The following CCDC134 variants were observed in gnomAD, a reference collection of about 807,000 sequenced individuals.
CCDC134 encodes coiled-coil domain-containing protein 134.
Under a neutral mutation model 25.6 loss-of-function variants are expected in CCDC134, and 27 were observed. The ratio of observed to expected loss-of-function variants is 1.05; its 90% CI spans 0.78 to 1.45. The LOEUF (loss-of-function observed/expected upper bound fraction) is 1.45, where lower values mean the gene tolerates loss of function less well. Ranked by LOEUF, CCDC134 falls within the 40% of genes most tolerant of loss-of-function variation. CCDC134 has a pLI of 0.00. For missense variants in CCDC134, 261 were observed against 286.7 expected (o/e 0.91, Z 0.65); for synonymous variants, 110 against 115.0 (o/e 0.96, Z 0.28).
At chr22:41,806,188 G>A (rs1208685806) in intron 1 of CCDC134, among the ~76,000 whole-genome samples, 10 of 147,642 alleles carry the variant, frequency 6.8e-5, no homozygotes, top group South Asian at 2.2e-4. Context: ...AACCATGGTT[G>A]AAAATCTTTT....
chr22:41,806,852 G>C (rs181449755), intron 1 of CCDC134, among the ~76,000 whole-genome samples: 1 of 152,116 alleles, frequency 6.6e-6, no homozygotes, highest in East Asian at 1.9e-4. Context: ...TTCAAGACCA[G>C]CCTGGCCAAC....
chr22:41,816,285 C>T (rs575706718), intron 6 of CCDC134, among the ~76,000 whole-genome samples: 16 of 152,324 alleles, frequency 1.1e-4, no homozygotes, highest in African/African-American at 2.6e-4. Context: ...CCTCAGTTGC[C>T]TACATGGTAT....
chr22:41,813,693 C>G, intron 5 of CCDC134, 58 bp from the exon 6 acceptor site: 2 of 1,541,286 alleles, frequency 1.3e-6, no homozygotes, highest in Non-Finnish European at 1.8e-6. Context: ...AGGAATGACT[C>G]TCTGGTGAGC....
At chr22:41,804,497 A>G (rs1431119595) in intron 1 of CCDC134, among the ~76,000 whole-genome samples, 1 of 152,038 alleles carries the variant, frequency 6.6e-6, no homozygotes, top group East Asian at 1.9e-4. Context: ...CTAATAACAG[A>G]TGTACTATAG....
At chr22:41,814,000 T>A (rs1215501297) in intron 6 of CCDC134, among the ~76,000 whole-genome samples, 178 bp downstream of exon 6, 1 of 152,204 alleles carries the variant, frequency 6.6e-6, no homozygotes. Context: ...TGCTCCCCTC[T>A]TAGCCTCAGG....
rs201977668 is a variant in CCDC134 at position 41,813,258 on chromosome 22, C to T, written c.311-6C>T. On this transcript the variant is annotated splice_region_variant and splice_polypyrimidine_tract_variant and intron_variant, in intron 4 of 6. Coordinates refer to ENST00000255784, the MANE Select transcript of CCDC134 (RefSeq NM_024821.5). Reference sequence around the variant, plus strand: ...CCCTGGCCACTCATCAGGGTCCTCTCGCCAGCTTTCTCCCACGTGGTGGAG... The same window carrying T: ...CCCTGGCCACTCATCAGGGTCCTCTTGCCAGCTTTCTCCCACGTGGTGGAG... 198 of 1,614,068 alleles carry T rather than the reference C, an allele frequency of 1.2e-4. No homozygotes were observed. Among genetic ancestry groups the T allele is most frequent in the Non-Finnish European group, 1.5e-4 (175 of 1,179,944 alleles).
At position 41,813,507 on chromosome 22, in the gene CCDC134, C is replaced by A. The variant is rs542697204; in HGVS notation, c.492+62C>A. ...GTCGGGTAGTGGACTAGGATCCTCA[C>A]ATCTGCCTTCAGTTGGGCCTGAACG... On this transcript the variant is annotated intron_variant, in intron 5 of 6. Transcript: ENST00000255784. 3.6e-5 allele frequency: 56 copies of A among 1,566,946 alleles called. 1 individual carries two copies. In the South Asian group the frequency reaches 6.2e-4, roughly 17 times the overall value.
Position 41,810,287 on chromosome 22 carries a change from G to T in CCDC134, c.306G>T (p.Lys102Asn). Residue 102 changes from lysine to asparagine, a missense_variant, in exon 4 of 7, where the codon AAG becomes AAT. Physicochemically the swap from Lys to Asn is moderately conservative, Grantham distance 94. Transcript: ENST00000255784. ...DGPFPQDEKLKDAFSHVVENT... is the reference protein window; with the variant it reads ...DGPFPQDEKLNDAFSHVVENT... ...CCTTCCCCCAGGACGAGAAGCTGAAGGATGGTATGGTCTGCCCTGCCCCGC... is the reference window on the plus strand; with the variant it reads ...CCTTCCCCCAGGACGAGAAGCTGAATGATGGTATGGTCTGCCCTGCCCCGC... The T allele has an allele frequency of 6.2e-7, 1 of 1,613,736 alleles. No homozygotes were observed. The highest frequency in any genetic ancestry group is 1.1e-5 in the South Asian group (1 of 91,022).
At chr22:41,816,617 G>A (rs1051038659) in intron 6 of CCDC134, among the ~76,000 whole-genome samples, 2 of 152,162 alleles carry the variant, frequency 1.3e-5, no homozygotes, top group Admixed American at 6.6e-5. Flanking sequence ...GCACTTTCTG[G>A]GATCTAAGGT....
intron 1 of CCDC134, among the ~76,000 whole-genome samples, chr22:41,806,822 G>A (rs942631669): frequency 8.6e-5 from 13 of 151,916 alleles, no homozygotes; most frequent in African/African-American, 2.7e-4. Flanking sequence ...CTGAGGCGGT[G>A]GATCACCTAA....
chr22:41,818,659 G>A (rs1313160076), intron 6 of CCDC134, among the ~76,000 whole-genome samples: 2 of 152,200 alleles, frequency 1.3e-5, no homozygotes, highest in East Asian at 3.8e-4. Context: ...GGCAGAGTCG[G>A]GGATGCTGTT....
At chr22:41,813,515 T>G in intron 5 of CCDC134, 70 bp downstream of exon 5, 1 of 1,551,304 alleles carries the variant, frequency 6.4e-7, no homozygotes, top group South Asian at 1.1e-5. Context: ...CACATCTGCC[T>G]TCAGTTGGGC....
intron 6 of CCDC134, 121 bp downstream of exon 6, chr22:41,813,943 G>A: frequency 1.3e-6 from 1 of 779,722 alleles, no homozygotes; most frequent in Admixed American, 2.4e-5. Flanking sequence ...GCCTGGGCCT[G>A]GGTCCAGAAG....
intron 1 of CCDC134, among the ~76,000 whole-genome samples, chr22:41,808,613 G>A (rs1366581116): frequency 6.6e-6 from 1 of 152,212 alleles, no homozygotes; most frequent in African/African-American, 2.4e-5. Flanking sequence ...CCAGCCTAGA[G>A]CTCTAGCCAC....
At chr22:41,812,784 A>G (rs1166306272) in intron 4 of CCDC134, among the ~76,000 whole-genome samples, 3 of 152,170 alleles carry the variant, frequency 2.0e-5, no homozygotes, top group African/African-American at 7.2e-5. Context: ...TCTCACAGAC[A>G]CTCTAGTTGT....
rs925427951 is a variant in CCDC134 at position 41,831,303 on chromosome 22, TCTC to T, written c.*5483_*5485del. 4 of 149,690 alleles carry T rather than the reference TCTC, an allele frequency of 2.7e-5. No homozygotes were observed. The highest frequency in any genetic ancestry group is 2.0e-4 in the East Asian group (1 of 5,052). The allele number at this position is 149,690 out of a possible 1,614,324, so 9.3% of individuals were successfully genotyped here. On this transcript the variant is annotated 3_prime_UTR_variant, in exon 7 of 7. Coordinates refer to ENST00000255784, the MANE Select transcript of CCDC134 (RefSeq NM_024821.5). ...CCTCTATCTCCCAGGTTCCGGCAGT[TCTC>T]CTACCGGTTAGCTGGGATTACAGGC...
At position 41,809,953 on chromosome 22, in the gene CCDC134, C is replaced by T. The variant is rs138885744; in HGVS notation, c.178C>T (p.His60Tyr). The change falls in exon 3 of 7, where the codon CAC becomes TAC. Residue 60 changes from histidine (H) to tyrosine (Y), a missense_variant. His to Tyr is a moderately conservative substitution (Grantham distance 83, BLOSUM62 2). Transcript: ENST00000255784. Reference protein sequence around the residue: ...LKNLAQLNDIHQQYKILDVML... With the variant: ...LKNLAQLNDIYQQYKILDVML... ...GAACCTGGCACAGCTGAACGACATCCACCAGCAGTACAAGATCCTTGATGT... is the reference window on the plus strand; with the variant it reads ...GAACCTGGCACAGCTGAACGACATCTACCAGCAGTACAAGATCCTTGATGT... The T allele has an allele frequency of 8.4e-5, 135 of 1,614,174 alleles. No homozygotes were observed. The highest frequency in any genetic ancestry group is 7.2e-4 in the African/African-American group (54 of 75,038).
chr22:41,817,056 G>A lies in CCDC134; in HGVS notation c.564+3234G>A, dbSNP rs193196502. Among the ~76,000 whole-genome samples, 421 of 152,292 alleles carry A rather than the reference G, an allele frequency of 2.8e-3. 1 individual carries two copies. The highest frequency in any genetic ancestry group is 5.2e-3 in the Non-Finnish European group (357 of 68,036). On this transcript the variant is annotated intron_variant, in intron 6 of 6. Transcript: ENST00000255784. ...ATGGGACCAGGGCATTTTTACAGAT[G>A]TATAGAGACCTGTTATATCTCTTCT...
chr22:41,800,766 G>A lies in CCDC134; in HGVS notation c.-17G>A, dbSNP rs2076535971. On this transcript the variant is annotated splice_region_variant and 5_prime_UTR_variant, in exon 1 of 7. Transcript: ENST00000255784. ...CTGCCCTTCCTGCACCGACTGGCCAGGTAGGTGGCTGTAGGGGCCGCGGGC... is the reference window on the plus strand; with the variant it reads ...CTGCCCTTCCTGCACCGACTGGCCAAGTAGGTGGCTGTAGGGGCCGCGGGC... 1.3e-5 allele frequency: 2 copies of A among 152,428 alleles called. No individual in the cohort carries two copies. Among genetic ancestry groups the A allele is most frequent in the Admixed American group, 6.5e-5 (1 of 15,292 alleles). 9.4% of individuals were successfully genotyped at this position (152,428 alleles called of 1,614,324 possible).
Sources: allele counts gnomAD v4.1 joint callset (sites outside exome capture counted in the v4.1 genomes callset), GRCh38; gene constraint gnomAD v4.1.1; transcripts MANE v1.5; gene names NCBI Gene and HGNC (gene_info 2026-07-23, HGNC 2026-07-21).